Variants in PALM2AKAP2 observed in about 807,000 individuals in gnomAD.
PALM2AKAP2 encodes PALM2-AKAP2 fusion protein.
A neutral mutation model predicts 71.5 loss-of-function variants in PALM2AKAP2; 37 were observed. That is an observed-to-expected ratio of 0.52 (90% CI 0.40 to 0.68). PALM2AKAP2 has a LOEUF of 0.68. PALM2AKAP2 is among the 30% of genes least tolerant of loss of function. PALM2AKAP2 has a pLI of 0.00. For synonymous variants in PALM2AKAP2, 468 were observed against 478.8 expected, an observed-to-expected ratio of 0.98 and a Z score of 0.29; for missense variants, 1,224 against 1,191.8, an observed-to-expected ratio of 1.03 and a Z score of -0.40.
At chr9:110,049,389 C>T (rs1056859445) in intron 1 of PALM2AKAP2, among the ~76,000 whole-genome samples, 3 of 152,076 alleles carry the variant, frequency 2.0e-5, no homozygotes, top group Non-Finnish European at 4.4e-5. Flanking sequence ...GGCCCCGGCC[C>T]CGGTCCCGGC....
At chr9:110,058,158 G>T (rs1233292432) in intron 1 of PALM2AKAP2, among the ~76,000 whole-genome samples, 1 of 150,910 alleles carries the variant, frequency 6.6e-6, no homozygotes, top group African/African-American at 2.4e-5. Context: ...CTGTAGATAT[G>T]TTTCGTAGCC....
intron 6 of PALM2AKAP2, among the ~76,000 whole-genome samples, chr9:110,004,021 C>A (rs1485949315): frequency 6.6e-6 from 1 of 152,128 alleles, no homozygotes; most frequent in Non-Finnish European, 1.5e-5. Context: ...AGCATTTAGC[C>A]CATTTACATT....
intron 3 of PALM2AKAP2, among the ~76,000 whole-genome samples, chr9:109,881,090 G>A (rs765170185): frequency 2.0e-5 from 3 of 152,040 alleles, no homozygotes; most frequent in Admixed American, 6.6e-5. Flanking sequence ...CTACGTGTCC[G>A]TGTGTTCCAT....
chr9:110,091,762 A>G (rs1274056550), intron 1 of PALM2AKAP2, among the ~76,000 whole-genome samples: 3 of 152,106 alleles, frequency 2.0e-5, no homozygotes, highest in South Asian at 2.1e-4. Context: ...GCGCCCAGCC[A>G]AGATTTATTT....
At chr9:109,927,760 C>T (rs1342055879) in intron 5 of PALM2AKAP2, among the ~76,000 whole-genome samples, 2 of 152,214 alleles carry the variant, frequency 1.3e-5, no homozygotes, top group East Asian at 3.8e-4. Context: ...CCCGCCAACA[C>T]ACACTGTTGT....
chr9:109,997,404 TG>T (rs1335700279), intron 6 of PALM2AKAP2, among the ~76,000 whole-genome samples: 1 of 152,192 alleles, frequency 6.6e-6, no homozygotes, highest in Non-Finnish European at 1.5e-5. Flanking sequence ...ATAGTCTCGC[TG>T]TCATTACTGC....
At chr9:110,011,160 AT>A (rs935157641) in intron 6 of PALM2AKAP2, among the ~76,000 whole-genome samples, 20 of 146,124 alleles carry the variant, frequency 1.4e-4, no homozygotes, top group African/African-American at 5.0e-4. Context: ...AATATGTGTA[AT>A]TTTTTATATG....
At chr9:109,890,540 A>AT (rs1190898283) in intron 3 of PALM2AKAP2, among the ~76,000 whole-genome samples, 1 of 152,218 alleles carries the variant, frequency 6.6e-6, no homozygotes, top group Non-Finnish European at 1.5e-5. Flanking sequence ...CCTAAAAGCA[A>AT]CTTCCGACAT....
At chr9:110,099,934 G>A (rs6477740) in intron 1 of PALM2AKAP2, among the ~76,000 whole-genome samples, 33,527 of 150,672 alleles carry the variant, frequency 0.22, 5,046 homozygotes, top group African/African-American at 0.42. Context: ...TGAGCTCTGA[G>A]AGCCGAGAGC....
chr9:110,155,434 G>A (rs1836424732), intron 2 of PALM2AKAP2, among the ~76,000 whole-genome samples: 1 of 152,134 alleles, frequency 6.6e-6, no homozygotes, highest in African/African-American at 2.4e-5. Flanking sequence ...CCCCATGAAG[G>A]GCCAGAAGCC....
intron 1 of PALM2AKAP2, chr9:109,862,985 A>G (rs1449652171): frequency 4.0e-6 from 2 of 495,542 alleles, no homozygotes; most frequent in Non-Finnish European, 8.1e-6. Flanking sequence ...CAGGAGCCTC[A>G]CTGGCTATGC....
intron 3 of PALM2AKAP2, 88 bp from the exon 4 acceptor site, chr9:109,923,647 A>G: frequency 7.2e-7 from 1 of 1,390,932 alleles, no homozygotes; most frequent in Non-Finnish European, 9.7e-7. Context: ...CCAGGAAGGT[A>G]CAAATCGCCC....
intron 5 of PALM2AKAP2, among the ~76,000 whole-genome samples, chr9:109,929,730 G>A (rs1164283450): frequency 6.6e-6 from 1 of 151,834 alleles, no homozygotes; most frequent in African/African-American, 2.4e-5. Context: ...CGGGTGTGGT[G>A]GTGGGCGCCT....
At chr9:110,051,317 C>G (rs777817756) in intron 1 of PALM2AKAP2, among the ~76,000 whole-genome samples, 3 of 152,172 alleles carry the variant, frequency 2.0e-5, no homozygotes, top group African/African-American at 7.2e-5. Flanking sequence ...GTCTTAACTT[C>G]GTTGTCAAAT....
intron 2 of PALM2AKAP2, among the ~76,000 whole-genome samples, chr9:109,872,988 G>A (rs1189718421): frequency 2.0e-5 from 3 of 152,176 alleles, no homozygotes; most frequent in Non-Finnish European, 2.9e-5. Flanking sequence ...TCCCTGGGTG[G>A]ACTGAAGCAT....
chr9:109,886,909 T>C (rs902854317), intron 3 of PALM2AKAP2, among the ~76,000 whole-genome samples: 5 of 152,228 alleles, frequency 3.3e-5, no homozygotes, highest in African/African-American at 1.2e-4. Context: ...AACAGCTGTC[T>C]GTTCTAAAAT....
At chr9:109,681,257 A>T (rs1056265967) in intron 1 of PALM2AKAP2, among the ~76,000 whole-genome samples, 5 of 152,244 alleles carry the variant, frequency 3.3e-5, no homozygotes, top group Non-Finnish European at 5.9e-5. Context: ...ACAGCTTTTT[A>T]ACATCCTGTT....
In PALM2AKAP2 at chr9:109,868,137, G is replaced by A. The variant is rs192219952; in HGVS notation, c.126+566G>A. Among the ~76,000 whole-genome samples, 228 of 152,186 alleles carry A rather than the reference G, an allele frequency of 1.5e-3. 2 individuals are homozygous for A. Among genetic ancestry groups the A allele is most frequent in the African/African-American group, 5.2e-3 (216 of 41,520 alleles). On this transcript the variant is annotated intron_variant, in intron 2 of 9. Transcript: ENST00000302798. ...GAGAGCAAGCAGTTGGTCAAAGATG[G>A]CTTTGAAATGATTTGACTCAGACGG...
intron 1 of PALM2AKAP2, among the ~76,000 whole-genome samples, chr9:109,674,339 A>AT (rs1263581992): frequency 1.3e-5 from 2 of 151,712 alleles, no homozygotes; most frequent in African/African-American, 4.8e-5. Context: ...TCAGTTTACT[A>AT]TTTTTTTCTT....
Sources: gnomAD v4.1 joint callset for allele counts (sites outside exome capture counted in the v4.1 genomes callset) on GRCh38, gnomAD v4.1.1 for gene constraint, MANE v1.5 for transcripts, NCBI Gene and HGNC (gene_info 2026-07-23, HGNC 2026-07-21) for gene names.